Variants in SLC7A6 observed in about 807,000 individuals in gnomAD.
SLC7A6 encodes the protein solute carrier family 7 member 6.
A neutral mutation model predicts 46.6 loss-of-function variants in SLC7A6; 29 were observed. The observed-to-expected ratio is 0.62, with a 90% confidence interval of 0.46 to 0.85. SLC7A6 has a LOEUF of 0.85. Among genes scored for constraint, SLC7A6 ranks in the 40% least tolerant of loss-of-function variants. The pLI is 0.00. For missense variants in SLC7A6, 527 were observed against 647.6 expected (o/e 0.81, Z 2.02); for synonymous variants, 276 against 257.3 (o/e 1.07, Z -0.70).
chr16:68,287,386 G>A (rs769589098), intron 3 of SLC7A6: 3 of 1,300,078 alleles, frequency 2.3e-6, no homozygotes, highest in South Asian at 2.5e-5. Context: ...GCCATGAAGA[G>A]GTCTTGTGTC....
At position 68,299,624 on chromosome 16, in the gene SLC7A6, G is replaced by A. The variant is rs1363163256; in HGVS notation, c.*2296G>A. 6.6e-6 allele frequency: 1 copy of A among 152,110 alleles called. No individual in the cohort carries two copies. Among genetic ancestry groups the A allele is most frequent in the Non-Finnish European group, 1.5e-5 (1 of 68,022 alleles). 9.4% of individuals were successfully genotyped at this position (152,110 alleles called of 1,614,324 possible). On this transcript the variant is annotated 3_prime_UTR_variant, in exon 11 of 11. Transcript: ENST00000219343. The stretch of plus-strand genomic sequence containing the variant: ...TTAAGTTGTCAGCCCTTTAATATTG[G>A]GGAAACTTAATGAGTATAAATAGCA...
In SLC7A6 at chr16:68,296,496, C is replaced by G; in HGVS notation, c.1252C>G (p.Arg418Gly). The G allele has an allele frequency of 6.2e-7, 1 of 1,614,160 alleles. No individual in the cohort carries two copies. The change falls in exon 9 of 11, where the codon CGG becomes GGG. Residue 418 changes from arginine to glycine, a missense_variant. Physicochemically the swap from Arg to Gly is moderately radical, Grantham distance 125. Transcript: ENST00000219343. ...QLYLRWKEPKRPRPLKLSVFF... is the reference protein window; with the variant it reads ...QLYLRWKEPKGPRPLKLSVFF... ...CTACCTCCGCTGGAAGGAGCCCAAGCGGCCCCGGCCTCTCAAGGTCAGCAG... is the reference window on the plus strand; with the variant it reads ...CTACCTCCGCTGGAAGGAGCCCAAGGGGCCCCGGCCTCTCAAGGTCAGCAG...
At chr16:68,277,316 T>TTTTATTTGTTTA (rs1555530678) in intron 3 of SLC7A6, among the ~76,000 whole-genome samples, 3 of 135,956 alleles carry the variant, frequency 2.2e-5, no homozygotes, top group African/African-American at 8.4e-5. Context: ...AGAAGAGTAC[T>TTTTATTTGTTTA]TTTATTTATT....
At chr16:68,287,647 T>C (rs2042964827) in intron 3 of SLC7A6, 99 bp from the exon 4 acceptor site, 1 of 1,547,924 alleles carries the variant, frequency 6.5e-7, no homozygotes, top group Non-Finnish European at 8.7e-7. Flanking sequence ...CCCCTTTGCC[T>C]TAGGCAGGAA....
In SLC7A6 at chr16:68,297,439, C is replaced by CAT; in HGVS notation, c.*115_*116dup. 1 of 840,846 alleles carries CAT rather than the reference C, an allele frequency of 1.2e-6. No individual in the cohort carries two copies. Among genetic ancestry groups the CAT allele is most frequent in the Non-Finnish European group, 1.9e-6 (1 of 537,044 alleles). The allele number at this position is 840,846 out of a possible 1,614,324, so 52.1% of individuals were successfully genotyped here. A position where few individuals can be genotyped will look rare whatever the true frequency, so the allele number is the denominator to read the frequency against. The stretch of plus-strand genomic sequence containing the variant: ...AATTAAAGGAGCCTTTTGACCCAAT[C>CAT]ATATAGTGGGGCTCAGGGCCAGTGC... On this transcript the variant is annotated 3_prime_UTR_variant, in exon 11 of 11. Transcript: ENST00000219343.
intron 3 of SLC7A6, 119 bp downstream of exon 3, chr16:68,275,368 G>T: frequency 7.8e-7 from 1 of 1,286,238 alleles, no homozygotes; most frequent in Non-Finnish European, 1.1e-6. Flanking sequence ...GGCTGAGGCG[G>T]GCGGATCACC....
At chr16:68,269,174 T>G (rs1311081711) in intron 2 of SLC7A6, among the ~76,000 whole-genome samples, 1 of 152,250 alleles carries the variant, frequency 6.6e-6, no homozygotes, top group African/African-American at 2.4e-5. Flanking sequence ...GTTCAACTTT[T>G]TCAGTAGAAC....
chr16:68,297,133 C>A, intron 10 of SLC7A6, 101 bp from the exon 11 acceptor site: 2 of 1,059,230 alleles, frequency 1.9e-6, no homozygotes, highest in Non-Finnish European at 1.4e-6. Context: ...ACTTAAGGGG[C>A]AGGTGGCGAG....
chr16:68,284,859 C>CTCTTTTT lies in SLC7A6; in HGVS notation c.524-2886_524-2885insCTTTTTT, dbSNP rs776927373. Among the ~76,000 whole-genome samples the CTCTTTTT allele has an allele frequency of 2.7e-3, 262 of 95,596 alleles. 8 individuals carry two copies. The highest frequency in any genetic ancestry group is 0.011 in the African/African-American group (246 of 21,702). The allele number at this position is 95,596 out of a possible 152,430, so 62.7% of individuals were successfully genotyped here. ...CTGTCTCTTCTGTGTATTTTCTCGTCTTTTTTTTTTTTTTTTTTAGAGACA... is the reference window on the plus strand; with the variant it reads ...CTGTCTCTTCTGTGTATTTTCTCGTCTCTTTTTTTTTTTTTTTTTTTTTTTAGAGACA... On this transcript the variant is annotated intron_variant, in intron 3 of 10. Coordinates refer to ENST00000219343, the MANE Select transcript of SLC7A6 (RefSeq NM_003983.6).
intron 3 of SLC7A6, among the ~76,000 whole-genome samples, chr16:68,281,085 C>T (rs1246122463): frequency 3.9e-5 from 6 of 152,174 alleles, no homozygotes; most frequent in Non-Finnish European, 1.5e-5. Flanking sequence ...CTGTAGTCCT[C>T]CACTTCTTGT....
At chr16:68,296,314 G>A (rs780046916) in intron 8 of SLC7A6, 50 bp from the exon 9 acceptor site, 1 of 1,608,960 alleles carries the variant, frequency 6.2e-7, no homozygotes, top group Non-Finnish European at 8.5e-7. Context: ...AGTCTCCTGG[G>A]GGCGCAGGTG....
At position 68,296,731 on chromosome 16, in the gene SLC7A6, C is replaced by T. The variant is rs1367874708; in HGVS notation, c.1374C>T (p.Ala458=). ...ATTCCCTCATTGGCATCGGGATTGC[C>T]CTTTCTGGAGTCCCTTTCTACTTCA... The part of the protein sequence containing the change: ...TINSLIGIGI[A]LSGVPFYFMG... The change falls in exon 10 of 11, where the codon GCC becomes GCT. Residue 458 remains alanine (A), a synonymous_variant. Transcript: ENST00000219343. The T allele has an allele frequency of 1.9e-6, 3 of 1,614,176 alleles. No individual in the cohort carries two copies. Among genetic ancestry groups the T allele is most frequent in the African/African-American group, 1.3e-5 (1 of 75,038 alleles).
Position 68,274,997 on chromosome 16 carries a change from TCTG to T in SLC7A6, c.272_274del (p.Ser91_Val92delinsPhe). ...TGTGTGGGCCATTGGTGGGCTCTTC[TCTG>T]TTGTGGGTGCCCTTTGTTATGCAGA... On this transcript the variant is annotated inframe_deletion, in exon 3 of 11. Coordinates refer to ENST00000219343, the MANE Select transcript of SLC7A6 (RefSeq NM_003983.6). 6.2e-7 allele frequency: 1 copy of T among 1,614,204 alleles called. No individual in the cohort carries two copies. The highest frequency in any genetic ancestry group is 8.5e-7 in the Non-Finnish European group (1 of 1,180,036).
At chr16:68,284,914 G>A (rs1370269048) in intron 3 of SLC7A6, among the ~76,000 whole-genome samples, 1 of 132,944 alleles carries the variant, frequency 7.5e-6, no homozygotes, top group South Asian at 2.4e-4. Context: ...TGGCTGGAGT[G>A]CAGTGACTAT....
chr16:68,291,667 G>GT lies in SLC7A6; in HGVS notation c.1022+7dup. The GT allele has an allele frequency of 1.2e-6, 2 of 1,611,320 alleles. No individual in the cohort carries two copies. The highest frequency in any genetic ancestry group is 1.7e-6 in the Non-Finnish European group (2 of 1,177,644). ...TCCATCTTTGCTTCATCAAGGTACTGTGTCTCTGTGTCACTGATAATAGAC... is the reference window on the plus strand; with the variant it reads ...TCCATCTTTGCTTCATCAAGGTACTGTTGTCTCTGTGTCACTGATAATAGAC... On this transcript the variant is annotated splice_region_variant and intron_variant, in intron 7 of 10. Transcript: ENST00000219343.
intron 1 of SLC7A6, chr16:68,265,713 T>G (rs1003657176): frequency 1.3e-5 from 2 of 152,182 alleles, no homozygotes; most frequent in Non-Finnish European, 2.9e-5. Context: ...GGCTTTTGCT[T>G]CCCAACTTTG....
intron 3 of SLC7A6, chr16:68,287,271 C>T (rs1256633648): frequency 1.4e-5 from 18 of 1,254,610 alleles, no homozygotes; most frequent in Non-Finnish European, 1.9e-5. Flanking sequence ...AGCCACTGCA[C>T]CTGGCCTCAT....
At chr16:68,285,919 C>T (rs894941152) in intron 3 of SLC7A6, among the ~76,000 whole-genome samples, 47 of 151,554 alleles carry the variant, frequency 3.1e-4, no homozygotes, top group African/African-American at 1.1e-3. Context: ...CAGCAAGACC[C>T]CTGTCTCTAC....
At chr16:68,283,424 C>T (rs1272148306) in intron 3 of SLC7A6, among the ~76,000 whole-genome samples, 2 of 152,128 alleles carry the variant, frequency 1.3e-5, no homozygotes, top group African/African-American at 4.8e-5. Flanking sequence ...CACTGCCTCC[C>T]CCATTTAAAG....
Sources: gnomAD v4.1 joint callset for allele counts (sites outside exome capture counted in the v4.1 genomes callset) on GRCh38, gnomAD v4.1.1 for gene constraint, MANE v1.5 for transcripts, NCBI Gene and HGNC (gene_info 2026-07-23, HGNC 2026-07-21) for gene names.